Variants in CCSER2 observed in about 807,000 individuals in gnomAD.
The protein encoded by CCSER2 is coiled-coil serine rich protein 2, also known as serine-rich coiled-coil domain-containing protein 2.
In CCSER2, 46 loss-of-function variants were observed where a neutral mutation model predicts 92.3. The observed-to-expected ratio is 0.50, with a 90% CI of 0.39 to 0.64. The LOEUF is 0.64. Among genes scored for constraint, CCSER2 ranks in the 30% least tolerant of loss-of-function variants. The pLI, the probability that CCSER2 is intolerant of heterozygous loss-of-function variation, is 0.00. For missense variants in CCSER2, 1,244 were observed against 1,238.9 expected (o/e 1.00, Z -0.06); for synonymous variants, 433 against 431.4 (o/e 1.00, Z -0.04).
chr10:84,490,149 C>G (rs538310037), intron 9 of CCSER2, among the ~76,000 whole-genome samples: 2 of 152,296 alleles, frequency 1.3e-5, no homozygotes, highest in East Asian at 3.9e-4. Flanking sequence ...GTAACCCAGC[C>G]TTTCTCTCTG....
intron 8 of CCSER2, among the ~76,000 whole-genome samples, chr10:84,472,467 G>A (rs962321595): frequency 3.3e-5 from 5 of 152,068 alleles, no homozygotes; most frequent in Admixed American, 3.3e-4. Flanking sequence ...AGCTACTTGG[G>A]ATGCTGAGGC....
intron 3 of CCSER2, among the ~76,000 whole-genome samples, chr10:84,397,535 G>A (rs766861710): frequency 1.6e-4 from 25 of 152,216 alleles, no homozygotes; most frequent in Admixed American, 3.3e-4. Context: ...CTAACAAAAA[G>A]ACTACACATA....
chr10:84,474,023 A>G (rs1340044637), intron 8 of CCSER2, among the ~76,000 whole-genome samples: 5 of 152,266 alleles, frequency 3.3e-5, no homozygotes, highest in Admixed American at 3.3e-4. Flanking sequence ...ATCAGATTGC[A>G]GCGCTCTGAG....
At chr10:84,481,291 T>G (rs1245716335) in intron 9 of CCSER2, among the ~76,000 whole-genome samples, 1 of 152,162 alleles carries the variant, frequency 6.6e-6, no homozygotes, top group Non-Finnish European at 1.5e-5. Flanking sequence ...TACAAATTCT[T>G]TCTTCCTCCT....
rs1286498915 is a variant in CCSER2 at position 84,470,440 on chromosome 10, A to G, written c.2217A>G (p.Gln739=). The G allele has an allele frequency of 7.1e-7, 1 of 1,409,762 alleles. No individual in the cohort carries two copies. The highest frequency in any genetic ancestry group is 2.6e-5 in the Admixed American group (1 of 38,336). 87.3% of individuals were successfully genotyped at this position (1,409,762 alleles called of 1,614,324 possible). A position where few individuals can be genotyped will look rare whatever the true frequency, so the allele number is the denominator to read the frequency against. Reference sequence around the variant, plus strand: ...TAAAGAAAAAAGATGAAAAGATCCAACTATTAGAACTTCAGCTTGTAAGTA... The same window carrying G: ...TAAAGAAAAAAGATGAAAAGATCCAGCTATTAGAACTTCAGCTTGTAAGTA... ...DEIKKKDEKI[Q]LLELQLATQH... The change falls in exon 8 of 10, where the codon CAA becomes CAG. Residue 739 remains glutamine (Q), a synonymous_variant. Coordinates refer to ENST00000372088, the MANE Select transcript of CCSER2 (RefSeq NM_001284240.2).
intron 8 of CCSER2, among the ~76,000 whole-genome samples, chr10:84,472,505 G>GAGGTTGCAGTGAGCCAAGATCATGC (rs1210054293): frequency 1.1e-4 from 17 of 152,328 alleles, no homozygotes; most frequent in Non-Finnish European, 2.2e-4. Flanking sequence ...CCAGGAGGCA[G>GAGGTTGCAGTGAGCCAAGATCATGC]AGGTTGCAGT....
chr10:84,425,751 C>T lies in CCSER2; in HGVS notation c.1726C>T (p.Arg576Cys), dbSNP rs149112423. Reference sequence around the variant, plus strand: ...TCTAGTGGAGTGTGACAATATGAACCGCTTTGACCGACCAGACAGAAATGT... The same window carrying T: ...TCTAGTGGAGTGTGACAATATGAACTGCTTTGACCGACCAGACAGAAATGT... ...LENVECDNMN[R>C]FDRPDRNVRQ... Residue 576 changes from arginine to cysteine, a missense_variant, in exon 5 of 10, where the codon CGC becomes TGC. Coordinates refer to ENST00000372088, the MANE Select transcript of CCSER2 (RefSeq NM_001284240.2). 54 of 1,611,616 alleles carry T rather than the reference C, an allele frequency of 3.4e-5. No homozygotes were observed. Among genetic ancestry groups the T allele is most frequent in the African/African-American group, 2.9e-4 (22 of 74,728 alleles).
At position 84,471,074 on chromosome 10, in the gene CCSER2, C is replaced by T. The variant is rs905990021; in HGVS notation, c.2235+616C>T. Among the ~76,000 whole-genome samples the T allele has an allele frequency of 5.3e-5, 8 of 151,978 alleles. No homozygotes were observed. The East Asian group carries it at 1.5e-3, about 29-fold the overall frequency. On this transcript the variant is annotated intron_variant, in intron 8 of 9. Transcript: ENST00000372088. ...GAAAATAATGGCCTAAAAATCACAA[C>T]ACTCAAAAGGAAATCTTTGTTGTGA...
At chr10:84,338,307 A>C (rs7092474) in intron 1 of CCSER2, among the ~76,000 whole-genome samples, 192 of 5,844 alleles carry the variant, frequency 0.033, no homozygotes, top group Non-Finnish European at 0.064. Context: ...AAAAAAAAAC[A>C]AAAAAAAACC....
At chr10:84,496,316 C>A (rs182481355) in intron 9 of CCSER2, among the ~76,000 whole-genome samples, 1 of 151,832 alleles carries the variant, frequency 6.6e-6, no homozygotes, top group Admixed American at 6.6e-5. Flanking sequence ...GACGGAGTCT[C>A]GCTCTGTCGC....
At chr10:84,329,172 A>C (rs1021729778) in intron 1 of CCSER2, among the ~76,000 whole-genome samples, 1 of 152,062 alleles carries the variant, frequency 6.6e-6, no homozygotes, top group African/African-American at 2.4e-5. Flanking sequence ...TCCCCGAATG[A>C]GTTCGATTTT....
At chr10:84,417,689 A>G in intron 3 of CCSER2, 82 bp from the exon 4 acceptor site, 1 of 730,098 alleles carries the variant, frequency 1.4e-6, no homozygotes, top group Non-Finnish European at 2.5e-6. Context: ...TCAGGATATC[A>G]TATAGTTCGA....
chr10:84,334,708 T>C (rs1037887734), intron 1 of CCSER2, among the ~76,000 whole-genome samples: 1 of 152,130 alleles, frequency 6.6e-6, no homozygotes, highest in Non-Finnish European at 1.5e-5. Flanking sequence ...TTCTTTGTAC[T>C]TTATAGCTAC....
chr10:84,409,806 C>G (rs1361517998), intron 3 of CCSER2, among the ~76,000 whole-genome samples: 1 of 152,148 alleles, frequency 6.6e-6, no homozygotes, highest in Admixed American at 6.5e-5. Context: ...ATGCAGGTTT[C>G]TTACACATGT....
chr10:84,337,191 G>T (rs2132988333), intron 1 of CCSER2, among the ~76,000 whole-genome samples: 1 of 152,282 alleles, frequency 6.6e-6, no homozygotes, highest in East Asian at 1.9e-4. Flanking sequence ...CCTCGAGAAT[G>T]GATTAAAATA....
chr10:84,331,285 G>A (rs766373795), intron 1 of CCSER2, among the ~76,000 whole-genome samples: 16 of 152,160 alleles, frequency 1.1e-4, no homozygotes, highest in Non-Finnish European at 2.4e-4. Flanking sequence ...GTGCAAATCT[G>A]CTTGCACTTT....
chr10:84,444,111 G>A (rs1167887940), intron 6 of CCSER2, among the ~76,000 whole-genome samples: 2 of 151,906 alleles, frequency 1.3e-5, no homozygotes, highest in Non-Finnish European at 2.9e-5. Flanking sequence ...TGCACATTCT[G>A]CACATGTATC....
chr10:84,404,693 TAA>T (rs1486536769), intron 3 of CCSER2, among the ~76,000 whole-genome samples: 2 of 152,216 alleles, frequency 1.3e-5, no homozygotes, highest in Non-Finnish European at 2.9e-5. Context: ...CTATAACTAA[TAA>T]GTGAGTTTAG....
Position 84,513,757 on chromosome 10 carries a change from T to C in CCSER2, c.2634T>C (p.Ile878=). The change falls in exon 10 of 10, where the codon ATT becomes ATC. Residue 878 remains isoleucine (I), a synonymous_variant. Coordinates refer to ENST00000372088, the MANE Select transcript of CCSER2 (RefSeq NM_001284240.2). ...QEPYHLANNQ[I]SDMQFIPTSL... The stretch of plus-strand genomic sequence containing the variant: ...CTTATCATTTGGCAAACAATCAAAT[T>C]AGTGACATGCAGTTTATACCCACTT... 6.5e-7 allele frequency: 1 copy of C among 1,537,178 alleles called. No homozygotes were observed. The highest frequency in any genetic ancestry group is 8.7e-7 in the Non-Finnish European group (1 of 1,146,952).
Sources: allele counts gnomAD v4.1 joint callset (sites outside exome capture counted in the v4.1 genomes callset), GRCh38; gene constraint gnomAD v4.1.1; transcripts MANE v1.5; gene names NCBI Gene and HGNC (gene_info 2026-07-23, HGNC 2026-07-21).